The following FABP7 variants were observed in gnomAD, a reference collection of about 807,000 sequenced individuals.
FABP7 encodes fatty acid binding protein 7.
A neutral mutation model predicts 14.2 loss-of-function variants in FABP7; 13 were observed. That is an observed-to-expected ratio of 0.91 (90% CI 0.59 to 1.45). FABP7 has a LOEUF of 1.45. Among genes scored for constraint, FABP7 ranks in the 40% most tolerant of loss-of-function variants. FABP7 has a pLI of 0.00. For synonymous variants in FABP7, 49 were observed against 51.4 expected, an observed-to-expected ratio of 0.95 and a Z score of 0.20; for missense variants, 149 against 157.6, an observed-to-expected ratio of 0.95 and a Z score of 0.29.
intron 2 of FABP7, 152 bp from the exon 3 acceptor site, chr6:122,780,941 A>G: frequency 2.1e-6 from 2 of 934,850 alleles, no homozygotes; most frequent in East Asian, 2.8e-5. Context: ...TTTACATAAT[A>G]GAAAATCTAG....
At chr6:122,752,134 T>C in the FABP7 span, among the ~76,000 whole-genome samples, 4 of 150,816 alleles carry the variant, frequency 2.7e-5, no homozygotes, top group East Asian at 3.9e-4. Flanking sequence ...ACTTTTCTAA[T>C]GTACTAATTT....
the FABP7 span, among the ~76,000 whole-genome samples, chr6:122,768,815 G>A: frequency 0.012 from 1,873 of 152,136 alleles, 37 homozygotes; most frequent in African/African-American, 0.043. Flanking sequence ...AATTAGTACT[G>A]AGGTCATGGA....
At chr6:122,768,493 A>C in the FABP7 span, among the ~76,000 whole-genome samples, 1 of 152,196 alleles carries the variant, frequency 6.6e-6, no homozygotes, top group Non-Finnish European at 1.5e-5. Context: ...AATAAAAGCA[A>C]AAAAGCAAGT....
chr6:122,771,070 G>A, the FABP7 span, among the ~76,000 whole-genome samples: 2 of 152,282 alleles, frequency 1.3e-5, no homozygotes, highest in African/African-American at 4.8e-5. Context: ...GTGTGGTTTT[G>A]GAATCAGTAC....
the FABP7 span, among the ~76,000 whole-genome samples, chr6:122,755,821 C>G: frequency 6.6e-6 from 1 of 152,036 alleles, no homozygotes; most frequent in Admixed American, 6.6e-5. Context: ...GTCTGACCAG[C>G]AGACCCCAGC....
the FABP7 span, among the ~76,000 whole-genome samples, chr6:122,753,747 A>G: frequency 9.1e-4 from 136 of 148,872 alleles, 1 homozygote; most frequent in Middle Eastern, 0.018. Context: ...CAGCAGCTTA[A>G]GGGCCTGGAT....
the FABP7 span, among the ~76,000 whole-genome samples, chr6:122,770,918 C>T: frequency 1.3e-5 from 2 of 152,166 alleles, no homozygotes; most frequent in African/African-American, 4.8e-5. Context: ...CCAAACTTCC[C>T]TATACCTACA....
At chr6:122,768,104 A>G in the FABP7 span, among the ~76,000 whole-genome samples, 1 of 152,134 alleles carries the variant, frequency 6.6e-6, no homozygotes, top group Admixed American at 6.6e-5. Flanking sequence ...AGACCATTAA[A>G]CATATGAAAA....
At chr6:122,763,541 G>T in the FABP7 span, among the ~76,000 whole-genome samples, 3 of 152,094 alleles carry the variant, frequency 2.0e-5, no homozygotes, top group Non-Finnish European at 4.4e-5. Flanking sequence ...AGACAAATGG[G>T]ATCTAATTAA....
upstream of FABP7, chr6:122,779,660 C>T (rs1053088483): frequency 8.1e-6 from 6 of 737,650 alleles, no homozygotes; most frequent in Non-Finnish European, 2.3e-6. Context: ...ATTTAAATCA[C>T]TGGATTTTTG....
chr6:122,753,599 G>A, the FABP7 span, among the ~76,000 whole-genome samples: 2 of 152,150 alleles, frequency 1.3e-5, no homozygotes, highest in Non-Finnish European at 2.9e-5. Context: ...ATGACTGCAG[G>A]TTGTCCAGGT....
the FABP7 span, among the ~76,000 whole-genome samples, chr6:122,758,433 G>A: frequency 2.6e-5 from 4 of 152,120 alleles, no homozygotes; most frequent in African/African-American, 9.7e-5. Context: ...AACAACTGAG[G>A]ATATAAGACA....
the FABP7 span, among the ~76,000 whole-genome samples, chr6:122,756,051 G>A: frequency 6.1e-4 from 93 of 152,214 alleles, 1 homozygote; most frequent in South Asian, 0.017. Context: ...CCCCTCCTCC[G>A]GGGATAGAGC....
rs925802513 is a variant in FABP7 at position 122,781,438 on chromosome 6, A to G, written c.348+244A>G. ...AAGAGAAAAATTCATGTGTAGTTAA[A>G]AAAATAAAAGTTGCCATTGATTTGC... is the stretch of plus-strand genomic sequence containing the variant. On this transcript the variant is annotated intron_variant, in intron 3 of 3. Coordinates refer to ENST00000368444, the MANE Select transcript of FABP7 (RefSeq NM_001446.5). 4 of 1,407,694 alleles carry G rather than the reference A, an allele frequency of 2.8e-6. No homozygotes were observed. In the African/African-American group the frequency reaches 5.8e-5, roughly 20 times the overall value. 87.2% of individuals were successfully genotyped at this position (1,407,694 alleles called of 1,614,324 possible).
chr6:122,753,029 T>A, the FABP7 span, among the ~76,000 whole-genome samples: 1 of 152,232 alleles, frequency 6.6e-6, no homozygotes, highest in Admixed American at 6.5e-5. Flanking sequence ...AAAAGAAAGA[T>A]GCTTACTCTA....
At chr6:122,772,960 C>G in the FABP7 span, among the ~76,000 whole-genome samples, 2 of 152,180 alleles carry the variant, frequency 1.3e-5, no homozygotes, top group East Asian at 3.9e-4. Flanking sequence ...AGGTAAGCCC[C>G]TAGGGAATGT....
rs367931922 is a variant in FABP7, at chr6:122,781,079, G to C, written c.247-14G>C. The C allele has an allele frequency of 1.9e-6, 3 of 1,606,082 alleles. No individual in the cohort carries two copies. The African/African-American group carries it at 4.0e-5, about 21-fold the overall frequency. On this transcript the variant is annotated splice_polypyrimidine_tract_variant and intron_variant, in intron 2 of 3. Transcript: ENST00000368444. ...TATTTATTGCTATGTTCTGCATTTT[G>C]TTGTTGGTCTCAGTCTGTTGTTAGC...
chr6:122,764,391 G>T, the FABP7 span, among the ~76,000 whole-genome samples: 1 of 152,070 alleles, frequency 6.6e-6, no homozygotes. Flanking sequence ...CCTGTCATGG[G>T]GTGGGGGGAG....
chr6:122,750,548 T>G, the FABP7 span, among the ~76,000 whole-genome samples: 1 of 152,244 alleles, frequency 6.6e-6, no homozygotes, highest in Non-Finnish European at 1.5e-5. Context: ...GTTTTCAGCC[T>G]TATGAAACCA....
Sources: gnomAD v4.1 joint callset for allele counts (sites outside exome capture counted in the v4.1 genomes callset) on GRCh38, gnomAD v4.1.1 for gene constraint, MANE v1.5 for transcripts, NCBI Gene and HGNC (gene_info 2026-07-23, HGNC 2026-07-21) for gene names.